TMCO5A: variants seen among roughly 807,000 people sequenced by gnomAD.
TMCO5A encodes the protein transmembrane and coiled-coil domain-containing protein 5A.
In TMCO5A, 34 loss-of-function variants were observed where a neutral mutation model predicts 42.3. That is an observed-to-expected ratio of 0.80 (90% confidence interval 0.61 to 1.07). The LOEUF is 1.07. Among genes scored for constraint, TMCO5A ranks in the 50% least tolerant of loss-of-function variants. The pLI is 0.00. For missense variants in TMCO5A, 357 were observed against 327.9 expected, an observed-to-expected ratio of 1.09 and a Z score of -0.69; for synonymous variants, 131 against 115.6, an observed-to-expected ratio of 1.13 and a Z score of -0.86.
chr15:37,979,089 A>G, the TMCO5A span, among the ~76,000 whole-genome samples: 1 of 151,480 alleles, frequency 6.6e-6, no homozygotes, highest in Non-Finnish European at 1.5e-5. Flanking sequence ...ACCAGGCCCC[A>G]CCTCCAATAC....
In TMCO5A at chr15:37,942,224, G is replaced by T; in HGVS notation, c.538G>T (p.Glu180Ter). The T allele has an allele frequency of 6.2e-7, 1 of 1,612,900 alleles. No homozygotes were observed. The highest frequency in any genetic ancestry group is 1.1e-5 in the South Asian group (1 of 90,984). The part of the protein sequence containing the change: ...YQETLKKIEE[E>*]LEALFLEREV... ...GGAAACGTTGAAGAAAATAGAAGAA[G>T]AACTAGAGGCTCTGTTCCTTGAGAG... The change falls in exon 9 of 12, where the codon GAA (glutamate) becomes TAA (stop). Residue 180 changes from glutamate to a stop codon, truncating the protein, a stop_gained. Coordinates refer to ENST00000319669, the MANE Select transcript of TMCO5A (RefSeq NM_152453.4). LOFTEE classifies it high-confidence loss of function.
At position 37,951,246 on chromosome 15, in the gene TMCO5A, A is replaced by T; in HGVS notation, c.*12A>T. The T allele has an allele frequency of 6.2e-7, 1 of 1,612,568 alleles. No homozygotes were observed. The highest frequency in any genetic ancestry group is 8.5e-7 in the Non-Finnish European group (1 of 1,179,036). On this transcript the variant is annotated 3_prime_UTR_variant, in exon 12 of 12. Transcript: ENST00000319669. ...TGTTACCCCACTGATTCCCTAAGAAATATCCTTGAGCAATAGAAGGGAAGT... is the reference window on the plus strand; with the variant it reads ...TGTTACCCCACTGATTCCCTAAGAATTATCCTTGAGCAATAGAAGGGAAGT...
the TMCO5A span, among the ~76,000 whole-genome samples, chr15:37,999,316 A>G: frequency 2.6e-5 from 4 of 152,062 alleles, no homozygotes; most frequent in Non-Finnish European, 5.9e-5. Flanking sequence ...TGCTTTCTCG[A>G]TTTCCTTTTC....
chr15:38,031,823 T>C, the TMCO5A span, among the ~76,000 whole-genome samples: 1 of 152,206 alleles, frequency 6.6e-6, no homozygotes. Flanking sequence ...TATCCAGCAA[T>C]AAATAGCATT....
the TMCO5A span, among the ~76,000 whole-genome samples, chr15:37,988,337 C>G: frequency 0.019 from 2,824 of 151,916 alleles, 88 homozygotes; most frequent in African/African-American, 0.064. Flanking sequence ...TGCCTTTTTA[C>G]TTCTTTTTCT....
chr15:37,989,693 A>G, the TMCO5A span, among the ~76,000 whole-genome samples: 2 of 152,160 alleles, frequency 1.3e-5, no homozygotes, highest in Admixed American at 6.6e-5. Context: ...ACAGAATACC[A>G]CAGACTGGGT....
chr15:37,936,781 T>A, intron 3 of TMCO5A, 66 bp from the exon 4 acceptor site: 1 of 1,596,390 alleles, frequency 6.3e-7, no homozygotes, highest in South Asian at 1.1e-5. Context: ...ATATCTGAAA[T>A]CTGTGTTTTA....
At chr15:37,942,394 T>C (rs966018555) in intron 9 of TMCO5A, 139 bp downstream of exon 9, 2 of 751,220 alleles carry the variant, frequency 2.7e-6, no homozygotes, top group Non-Finnish European at 4.4e-6. Context: ...CTGTTAGTGA[T>C]CTGGTTGACC....
At chr15:37,935,715 G>C (rs1186150945) in intron 2 of TMCO5A, among the ~76,000 whole-genome samples, 1 of 152,066 alleles carries the variant, frequency 6.6e-6, no homozygotes, top group Non-Finnish European at 1.5e-5. Context: ...AAAGATATTT[G>C]CATTTTTGAA....
the TMCO5A span, chr15:37,984,744 C>A: frequency 5.4e-5 from 7 of 129,740 alleles, no homozygotes; most frequent in African/African-American, 2.2e-4. Flanking sequence ...GAGGACACAG[C>A]AACAAGCTGC....
intron 6 of TMCO5A, among the ~76,000 whole-genome samples, chr15:37,939,138 A>T (rs2140260591): frequency 6.6e-6 from 1 of 152,222 alleles, no homozygotes; most frequent in South Asian, 2.1e-4. Flanking sequence ...CTTCTCTAGA[A>T]TTACATCTTT....
chr15:37,943,214 G>T, intron 9 of TMCO5A, 127 bp from the exon 10 acceptor site: 3 of 740,154 alleles, frequency 4.1e-6, no homozygotes, highest in Non-Finnish European at 4.2e-6. Flanking sequence ...ATAGCTATAG[G>T]TAGACAGTAG....
chr15:37,934,645 C>G lies in TMCO5A; in HGVS notation c.-152C>G, dbSNP rs1403966602. 1 of 151,742 alleles carries G rather than the reference C, an allele frequency of 6.6e-6. No homozygotes were observed. The highest frequency in any genetic ancestry group is 1.5e-5 in the Non-Finnish European group (1 of 67,956). The allele number at this position is 151,742 out of a possible 1,614,324, so 9.4% of individuals were successfully genotyped here. ...GGAGAAAGATTAGACTCCTCAGAAG[C>G]TAATTGACTAGGGAAGGATCAGGAA... On this transcript the variant is annotated 5_prime_UTR_variant, in exon 1 of 12. Coordinates refer to ENST00000319669, the MANE Select transcript of TMCO5A (RefSeq NM_152453.4).
intron 11 of TMCO5A, among the ~76,000 whole-genome samples, chr15:37,965,711 T>A (rs771763609): frequency 9.9e-5 from 15 of 152,250 alleles, no homozygotes; most frequent in South Asian, 4.1e-4. Context: ...CAATGAGATA[T>A]CATCTCACCC....
chr15:38,009,235 A>G, the TMCO5A span, among the ~76,000 whole-genome samples: 3 of 152,214 alleles, frequency 2.0e-5, no homozygotes, highest in Non-Finnish European at 2.9e-5. Flanking sequence ...CTCTAGATCT[A>G]CTTTTCCCAG....
downstream of TMCO5A, among the ~76,000 whole-genome samples, chr15:37,953,356 G>C (rs755458907): frequency 6.6e-6 from 1 of 152,104 alleles, no homozygotes; most frequent in African/African-American, 2.4e-5. Context: ...AGAGCTCCAG[G>C]TGACTCAGAA....
At chr15:38,024,586 G>C in the TMCO5A span, 1 of 152,266 alleles carries the variant, frequency 6.6e-6, no homozygotes, top group African/African-American at 2.4e-5. Context: ...TGGATCCTGA[G>C]GCCAGAGGGA....
chr15:37,992,161 AC>A, the TMCO5A span, among the ~76,000 whole-genome samples: 2 of 152,180 alleles, frequency 1.3e-5, no homozygotes, highest in Non-Finnish European at 2.9e-5. Context: ...CAAGAAAAAA[AC>A]AACCTCATTG....
the TMCO5A span, among the ~76,000 whole-genome samples, chr15:37,998,932 G>T: frequency 6.6e-6 from 1 of 152,010 alleles, no homozygotes; most frequent in African/African-American, 2.4e-5. Context: ...TTGAGATGGA[G>T]TTTCGCTCTT....
Sources: gnomAD v4.1 joint callset for allele counts (sites outside exome capture counted in the v4.1 genomes callset) on GRCh38, gnomAD v4.1.1 for gene constraint, MANE v1.5 for transcripts, NCBI Gene and HGNC (gene_info 2026-07-23, HGNC 2026-07-21) for gene names.